CDH23: variants seen among roughly 807,000 people sequenced by gnomAD.
CDH23 encodes cadherin-23.
In CDH23, 189 loss-of-function variants were observed where a neutral mutation model predicts 317.1. That is an observed-to-expected ratio of 0.60 (90% CI 0.53 to 0.67). The LOEUF (loss-of-function observed/expected upper bound fraction) is 0.67, where lower values mean the gene tolerates loss of function less well. Among genes scored for constraint, CDH23 ranks in the 30% least tolerant of loss-of-function variants. The pLI is 0.00. For synonymous variants in CDH23, 1,839 were observed against 1,876.8 expected, an observed-to-expected ratio of 0.98 and a Z score of 0.52; for missense variants, 4,401 against 4,592.4, an observed-to-expected ratio of 0.96 and a Z score of 1.20.
intron 6 of CDH23, among the ~76,000 whole-genome samples, chr10:71,521,650 G>T (rs1854691129): frequency 6.6e-6 from 1 of 152,226 alleles, no homozygotes; most frequent in South Asian, 2.1e-4. Flanking sequence ...GAGGGTAGGG[G>T]AGGTTGGTCC....
At chr10:71,440,693 C>A (rs1173364394) in intron 2 of CDH23, among the ~76,000 whole-genome samples, 1 of 152,210 alleles carries the variant, frequency 6.6e-6, no homozygotes, top group African/African-American at 2.4e-5. Flanking sequence ...GCATTTGCTT[C>A]TCGCTTGGCC....
intron 38 of CDH23, among the ~76,000 whole-genome samples, chr10:71,770,062 T>A (rs573055102): frequency 1.3e-5 from 2 of 152,166 alleles, no homozygotes; most frequent in African/African-American, 4.8e-5. Flanking sequence ...GCACCCTTCA[T>A]ACTCCAGGCT....
chr10:71,543,510 G>C (rs1204300697), intron 6 of CDH23, among the ~76,000 whole-genome samples: 2 of 152,226 alleles, frequency 1.3e-5, no homozygotes. Flanking sequence ...TACATGCCAA[G>C]TGATTTCCTG....
chr10:71,667,342 C>A (rs1863944626), intron 14 of CDH23, among the ~76,000 whole-genome samples: 1 of 30,668 alleles, frequency 3.3e-5, no homozygotes, highest in Non-Finnish European at 7.4e-5. Flanking sequence ...CTGCTTGAGG[C>A]AGAGAAAGAG....
intron 2 of CDH23, among the ~76,000 whole-genome samples, chr10:71,443,088 G>A (rs974553293): frequency 3.9e-5 from 6 of 152,302 alleles, no homozygotes; most frequent in Admixed American, 3.9e-4. Context: ...GGGGCGACTG[G>A]CGGGGGCACT....
Position 71,778,918 on chromosome 10 carries a change from C to T in CDH23, c.5188-349C>T, listed in dbSNP as rs1006223276. ...GACTACAGGCATGCACCACCATGCC[C>T]AGCTAATGTATTACTCTTTTATTTT... On this transcript the variant is annotated intron_variant, in intron 40 of 69. Transcript: ENST00000224721. Among the ~76,000 whole-genome samples, 6 of 152,098 alleles carry T rather than the reference C, an allele frequency of 3.9e-5. No homozygotes were observed. In the East Asian group the frequency reaches 9.6e-4, roughly 24 times the overall value.
At chr10:71,703,475 T>C (rs1865667598) in intron 24 of CDH23, among the ~76,000 whole-genome samples, 1 of 152,208 alleles carries the variant, frequency 6.6e-6, no homozygotes, top group African/African-American at 2.4e-5. Flanking sequence ...TGCCTGGCTG[T>C]GCTGTGGGGA....
rs767052814 is a variant in CDH23 at position 71,810,551 on chromosome 10, G to T, written c.9059G>T (p.Arg3020Leu). 6.2e-7 allele frequency: 1 copy of T among 1,613,824 alleles called. No homozygotes were observed. Among genetic ancestry groups the T allele is most frequent in the Non-Finnish European group, 8.5e-7 (1 of 1,179,784 alleles). Residue 3020 changes from arginine to leucine, a missense_variant, in exon 62 of 70, where the codon CGC becomes CTC. Arg to Leu is a moderately radical substitution (Grantham distance 102, BLOSUM62 -2). This residue lies in a region of CDH23 where 1,144 missense variants were observed against 1,138.2 expected (regional missense o/e 1.01). Coordinates refer to ENST00000224721, the MANE Select transcript of CDH23 (RefSeq NM_022124.6). ...CACGTGGTGAACCGCGATACCAACC[G>T]CATCCTGGACGTGGACCGGTGAGTC... ...LIHVVNRDTNRILDVDRVIQM... is the reference protein window; with the variant it reads ...LIHVVNRDTNLILDVDRVIQM...
chr10:71,681,026 TA>T, intron 17 of CDH23, among the ~76,000 whole-genome samples: 1 of 151,296 alleles, frequency 6.6e-6, no homozygotes, highest in Non-Finnish European at 1.5e-5. Flanking sequence ...GGGGTTTTGC[TA>T]ATGTTGGCCA....
chr10:71,745,983 A>G (rs1350702256), intron 38 of CDH23, among the ~76,000 whole-genome samples: 1 of 152,222 alleles, frequency 6.6e-6, no homozygotes, highest in Non-Finnish European at 1.5e-5. Context: ...CTCAGGACCA[A>G]CCTTGCTGGA....
intron 1 of CDH23, among the ~76,000 whole-genome samples, chr10:71,401,783 A>G (rs1564556570): frequency 1.3e-5 from 2 of 152,196 alleles, no homozygotes; most frequent in African/African-American, 4.8e-5. Context: ...ACTGGGGCAC[A>G]GGGGTGCTGC....
intron 11 of CDH23, among the ~76,000 whole-genome samples, chr10:71,627,937 C>T (rs1197893000): frequency 6.6e-6 from 1 of 152,234 alleles, no homozygotes; most frequent in East Asian, 1.9e-4. Flanking sequence ...CACCTCTTGG[C>T]TGGCTTGTAC....
intron 6 of CDH23, among the ~76,000 whole-genome samples, chr10:71,524,315 C>T (rs1051668445): frequency 3.9e-5 from 6 of 152,290 alleles, no homozygotes; most frequent in South Asian, 2.1e-4. Flanking sequence ...AGCTTCCTCC[C>T]GCTCCTCTGT....
intron 38 of CDH23, among the ~76,000 whole-genome samples, chr10:71,757,808 G>A (rs1003290950): frequency 6.6e-6 from 1 of 152,190 alleles, no homozygotes; most frequent in Non-Finnish European, 1.5e-5. Context: ...AGGAAGCTGG[G>A]TGAAAGCAGA....
chr10:71,725,316 C>T, intron 29 of CDH23, 56 bp from the exon 30 acceptor site: 1 of 1,612,946 alleles, frequency 6.2e-7, no homozygotes. Context: ...CAGGCCAGCA[C>T]AGCAGGAGAC....
intron 11 of CDH23, among the ~76,000 whole-genome samples, chr10:71,636,291 G>A (rs1016100931): frequency 5.9e-5 from 9 of 152,096 alleles, no homozygotes; most frequent in African/African-American, 1.9e-4. Flanking sequence ...AAGCCGAGGC[G>A]GGAGGATGGC....
chr10:71,544,781 G>GT, intron 6 of CDH23, among the ~76,000 whole-genome samples: 1 of 152,328 alleles, frequency 6.6e-6, no homozygotes, highest in South Asian at 2.1e-4. Context: ...ATAGTGCTCC[G>GT]TTTTCTAACT....
chr10:71,623,026 C>T, intron 11 of CDH23: 1 of 864,940 alleles, frequency 1.2e-6, no homozygotes. Flanking sequence ...GTGTTATGTG[C>T]ACCAACTATG....
At chr10:71,667,359 A>AGTGTGTGTGTGTGTGT (rs67337082) in intron 14 of CDH23, among the ~76,000 whole-genome samples, 29 of 112,110 alleles carry the variant, frequency 2.6e-4, no homozygotes, top group South Asian at 3.4e-4. Flanking sequence ...AGAGAGAGAG[A>AGTGTGTGTGTGTGTGT]GTGTGTGTGT....
Sources: gnomAD v4.1 joint callset for allele counts (sites outside exome capture counted in the v4.1 genomes callset) on GRCh38, gnomAD v4.1.1 for gene constraint, gnomAD v4.1.1 regional missense constraint, MANE v1.5 for transcripts, NCBI Gene and HGNC (gene_info 2026-07-23, HGNC 2026-07-21) for gene names.